RBFOX1: variants seen among roughly 807,000 people sequenced by gnomAD.
RBFOX1 encodes the protein RNA binding protein fox-1 homolog 1.
RBFOX1 carries 8 observed loss-of-function variants against 57.7 expected under a neutral mutation model. That is an observed-to-expected ratio of 0.14 (90% CI 0.08 to 0.25). The LOEUF (loss-of-function observed/expected upper bound fraction) is 0.25. Among genes scored for constraint, RBFOX1 ranks in the 10% least tolerant of loss-of-function variants. The pLI, the probability that RBFOX1 is intolerant of heterozygous loss-of-function variation, is 1.00. For synonymous variants in RBFOX1, 326 were observed against 222.4 expected (o/e 1.47, Z -4.15); for missense variants, 611 against 548.5 (o/e 1.11, Z -1.14).
At chr16:6,698,529 GTC>G (rs1041427688) in intron 3 of RBFOX1, among the ~76,000 whole-genome samples, 1 of 152,030 alleles carries the variant, frequency 6.6e-6, no homozygotes. Context: ...TCTTTCTTTT[GTC>G]TCTTCAAATT....
intron 4 of RBFOX1, among the ~76,000 whole-genome samples, chr16:7,341,130 C>A (rs1381425679): frequency 6.6e-6 from 1 of 151,992 alleles, no homozygotes. Flanking sequence ...ATGTTTTTCC[C>A]CCGTCTAAAG....
chr16:5,870,925 T>A (rs146583114), intron 4 of RBFOX1, among the ~76,000 whole-genome samples: 1 of 151,644 alleles, frequency 6.6e-6, no homozygotes, highest in Non-Finnish European at 1.5e-5. Flanking sequence ...AAACCCCACC[T>A]GTGGAGGAGA....
chr16:6,660,406 TAAA>T (rs1843756802), intron 3 of RBFOX1, among the ~76,000 whole-genome samples: 1 of 151,902 alleles, frequency 6.6e-6, no homozygotes, highest in African/African-American at 2.4e-5. Context: ...AAAATAAACA[TAAA>T]AAAGTAATTC....
intron 3 of RBFOX1, among the ~76,000 whole-genome samples, chr16:5,802,280 C>A (rs9922455): frequency 0.033 from 4,968 of 152,188 alleles, 266 homozygotes; most frequent in African/African-American, 0.11. Context: ...TCCTCTTCTC[C>A]CCCTTTAGAT....
intron 3 of RBFOX1, among the ~76,000 whole-genome samples, chr16:6,829,841 A>G (rs905284274): frequency 1.3e-5 from 2 of 152,158 alleles, no homozygotes; most frequent in East Asian, 1.9e-4. Flanking sequence ...ACCTTAGGAG[A>G]TCTGCCTGCC....
Position 5,802,193 on chromosome 16 carries a change from C to A in RBFOX1, c.319-65110C>A, listed in dbSNP as rs1233108812. ...AATTTTATTTGCTGCCCAAACTTTGCGCTTTAAGCTCCCCATCAAAAGGAA... is the reference window on the plus strand; with the variant it reads ...AATTTTATTTGCTGCCCAAACTTTGAGCTTTAAGCTCCCCATCAAAAGGAA... On this transcript the variant is annotated intron_variant, in intron 3 of 19. Transcript: ENST00000641259. 2.0e-5 allele frequency among the ~76,000 whole-genome samples: 3 copies of A among 152,106 alleles called. No individual in the cohort carries two copies. In the East Asian group the frequency reaches 5.8e-4, roughly 29 times the overall value.
At chr16:7,150,785 G>A (rs541357055) in intron 4 of RBFOX1, among the ~76,000 whole-genome samples, 4 of 152,288 alleles carry the variant, frequency 2.6e-5, no homozygotes, top group Middle Eastern at 3.4e-3. Context: ...GCATTTGTGG[G>A]TTATTAATAA....
intron 2 of RBFOX1, among the ~76,000 whole-genome samples, chr16:6,528,613 G>C (rs538423496): frequency 6.6e-6 from 1 of 152,306 alleles, no homozygotes; most frequent in East Asian, 1.9e-4. Context: ...ATTTTAAAAT[G>C]ACATCTTCAT....
At chr16:7,059,254 C>G (rs185985564) in intron 4 of RBFOX1, among the ~76,000 whole-genome samples, 6 of 152,292 alleles carry the variant, frequency 3.9e-5, no homozygotes, top group Admixed American at 1.3e-4. Flanking sequence ...GTGGCTCTTA[C>G]GATAGCACGG....
chr16:6,337,741 AAT>A (rs202171645), intron 2 of RBFOX1, among the ~76,000 whole-genome samples: 8 of 152,168 alleles, frequency 5.3e-5, no homozygotes, highest in African/African-American at 1.9e-4. Flanking sequence ...CTGTAAAAAA[AAT>A]AAAAGTATTA....
intron 1 of RBFOX1, among the ~76,000 whole-genome samples, chr16:6,048,093 T>A (rs2095514114): frequency 6.6e-6 from 1 of 152,230 alleles, no homozygotes; most frequent in South Asian, 2.1e-4. Context: ...ATGTTTAATA[T>A]GTGCGCAGCA....
At chr16:6,649,199 C>T (rs78684842) in intron 2 of RBFOX1, among the ~76,000 whole-genome samples, 2,163 of 152,264 alleles carry the variant, frequency 0.014, 59 homozygotes, top group African/African-American at 0.049. Flanking sequence ...CAGTATTTGT[C>T]TTTCTGTAAC....
chr16:5,358,132 G>A (rs935785703), intron 1 of RBFOX1, among the ~76,000 whole-genome samples: 1 of 152,030 alleles, frequency 6.6e-6, no homozygotes, highest in Non-Finnish European at 1.5e-5. Flanking sequence ...CTTTCTCCTT[G>A]CTCCTGGTGG....
At chr16:6,604,166 G>C (rs761357198) in intron 2 of RBFOX1, among the ~76,000 whole-genome samples, 47 of 151,712 alleles carry the variant, frequency 3.1e-4, no homozygotes, top group Admixed American at 1.8e-3. Context: ...TCCAGCTTTT[G>C]AGAGTCACTG....
chr16:7,142,237 T>A (rs1451947890), intron 4 of RBFOX1, among the ~76,000 whole-genome samples: 1 of 152,120 alleles, frequency 6.6e-6, no homozygotes, highest in Non-Finnish European at 1.5e-5. Flanking sequence ...TTGTCCAGGC[T>A]GGCCTTGATC....
At chr16:6,962,715 T>C (rs36110833) in intron 3 of RBFOX1, among the ~76,000 whole-genome samples, 65,333 of 151,726 alleles carry the variant, frequency 0.43, 17,231 homozygotes, top group Non-Finnish European at 0.58. Flanking sequence ...TAGTAAAAAA[T>C]TAGTCAGGAG....
At chr16:6,996,988 CA>C (rs1450014276) in intron 3 of RBFOX1, among the ~76,000 whole-genome samples, 2 of 152,098 alleles carry the variant, frequency 1.3e-5, no homozygotes, top group African/African-American at 4.8e-5. Flanking sequence ...AAGATTTCCT[CA>C]TCAGCTTTAT....
intron 2 of RBFOX1, among the ~76,000 whole-genome samples, chr16:5,554,423 CAA>C (rs2045592195): frequency 6.6e-6 from 1 of 151,940 alleles, no homozygotes; most frequent in Admixed American, 6.6e-5. Flanking sequence ...TCTATATTTT[CAA>C]AAGAGGTTCT....
intron 3 of RBFOX1, among the ~76,000 whole-genome samples, chr16:5,634,002 C>A (rs891080297): frequency 5.3e-5 from 8 of 152,184 alleles, no homozygotes; most frequent in African/African-American, 1.9e-4. Flanking sequence ...AGCAAGCCCA[C>A]CTTGAGTGTA....
Sources: gnomAD v4.1 joint callset for allele counts (sites outside exome capture counted in the v4.1 genomes callset) on GRCh38, gnomAD v4.1.1 for gene constraint, MANE v1.5 for transcripts, NCBI Gene and HGNC (gene_info 2026-07-23, HGNC 2026-07-21) for gene names.